L3MBTL4: variants seen among roughly 807,000 people sequenced by gnomAD.
L3MBTL4 encodes lethal(3)malignant brain tumor-like protein 4.
Under a neutral mutation model 84.5 loss-of-function variants are expected in L3MBTL4, and 70 were observed. The ratio of observed to expected loss-of-function variants is 0.83; its 90% CI spans 0.68 to 1.01. The LOEUF (loss-of-function observed/expected upper bound fraction) is 1.01. L3MBTL4 is among the 50% of genes least tolerant of loss of function. The pLI is 0.00. For missense variants in L3MBTL4, 715 were observed against 754.8 expected, an observed-to-expected ratio of 0.95 and a Z score of 0.62; for synonymous variants, 274 against 259.8, an observed-to-expected ratio of 1.05 and a Z score of -0.52.
chr18:6,095,346 G>GC (rs1555652104), intron 14 of L3MBTL4, among the ~76,000 whole-genome samples: 1 of 122,954 alleles, frequency 8.1e-6, no homozygotes, highest in Non-Finnish European at 1.6e-5. Flanking sequence ...GGGGAACATG[G>GC]TTTTTTTTTT....
At chr18:6,091,116 T>C (rs2058441397) in intron 15 of L3MBTL4, among the ~76,000 whole-genome samples, 1 of 152,200 alleles carries the variant, frequency 6.6e-6, no homozygotes, top group African/African-American at 2.4e-5. Context: ...AGATTTGGGT[T>C]AGAGAAAAGG....
intron 16 of L3MBTL4, among the ~76,000 whole-genome samples, chr18:5,993,110 C>T (rs1450701465): frequency 6.6e-6 from 1 of 152,186 alleles, no homozygotes; most frequent in African/African-American, 2.4e-5. Flanking sequence ...CTGGTGACCT[C>T]GTGGCCTGTT....
chr18:6,119,615 A>G (rs938896006), intron 14 of L3MBTL4, among the ~76,000 whole-genome samples: 2 of 152,136 alleles, frequency 1.3e-5, no homozygotes, highest in Non-Finnish European at 2.9e-5. Flanking sequence ...TTTATGATCT[A>G]TTTTGTAATC....
intron 10 of L3MBTL4, among the ~76,000 whole-genome samples, chr18:6,216,854 T>G (rs1299376930): frequency 6.6e-6 from 1 of 152,204 alleles, no homozygotes; most frequent in Non-Finnish European, 1.5e-5. Flanking sequence ...GTTTACTACA[T>G]AATAGTTTCA....
chr18:6,208,428 T>C (rs754100794), intron 12 of L3MBTL4, among the ~76,000 whole-genome samples: 16 of 152,182 alleles, frequency 1.1e-4, no homozygotes, highest in Non-Finnish European at 2.4e-4. Flanking sequence ...AGTTAATGCA[T>C]TAAATAGGAA....
At chr18:5,962,590 G>C (rs559421984) in intron 17 of L3MBTL4, among the ~76,000 whole-genome samples, 6 of 152,316 alleles carry the variant, frequency 3.9e-5, no homozygotes, top group Admixed American at 2.0e-4. Flanking sequence ...CTGCAGTCCA[G>C]GCATCACACC....
intron 1 of L3MBTL4, among the ~76,000 whole-genome samples, chr18:6,333,598 G>T (rs950391360): frequency 3.3e-5 from 5 of 150,880 alleles, no homozygotes; most frequent in Non-Finnish European, 5.9e-5. Flanking sequence ...AAACCTAATT[G>T]TTTATGAATA....
intron 13 of L3MBTL4, among the ~76,000 whole-genome samples, chr18:6,166,309 C>T (rs1159693698): frequency 2.0e-5 from 3 of 152,188 alleles, no homozygotes; most frequent in Admixed American, 2.0e-4. Context: ...GAATTGAACT[C>T]AGCTCTGCAC....
Position 6,291,462 on chromosome 18 carries a change from AG to A in L3MBTL4, c.127+10440del, listed in dbSNP as rs201757657. Among the ~76,000 whole-genome samples the A allele has an allele frequency of 3.2e-3, 489 of 152,342 alleles. 2 individuals carry two copies. Among genetic ancestry groups the A allele is most frequent in the African/African-American group, 0.011 (443 of 41,584 alleles). On this transcript the variant is annotated intron_variant, in intron 4 of 18. Transcript: ENST00000317931. ...ACTTCAAAATTTACTATAAAACTAT[AG>A]TAACCAAATCAGCATGGTACTGGCA...
intron 9 of L3MBTL4, among the ~76,000 whole-genome samples, chr18:6,239,499 G>T (rs2047364881): frequency 6.6e-6 from 1 of 151,960 alleles, no homozygotes; most frequent in African/African-American, 2.4e-5. Context: ...TATTATTTCA[G>T]ATGAGGCTTC....
At chr18:6,250,066 A>G (rs1361261137) in intron 5 of L3MBTL4, among the ~76,000 whole-genome samples, 1 of 152,216 alleles carries the variant, frequency 6.6e-6, no homozygotes, top group Non-Finnish European at 1.5e-5. Context: ...TTTCCAAAGA[A>G]GCGCCAGTGC....
intron 14 of L3MBTL4, among the ~76,000 whole-genome samples, chr18:6,117,908 C>G (rs2059404930): frequency 6.6e-6 from 1 of 152,096 alleles, no homozygotes; most frequent in African/African-American, 2.4e-5. Flanking sequence ...GACAGAAATG[C>G]CAGCCCTTAT....
intron 15 of L3MBTL4, among the ~76,000 whole-genome samples, chr18:6,085,917 T>C (rs113347445): frequency 0.024 from 3,698 of 152,346 alleles, 49 homozygotes; most frequent in Non-Finnish European, 0.038. Context: ...GAGTGGAGAA[T>C]GAGAAATTCT....
At chr18:6,013,581 G>A (rs527819973) in intron 16 of L3MBTL4, among the ~76,000 whole-genome samples, 3 of 152,056 alleles carry the variant, frequency 2.0e-5, no homozygotes, top group Non-Finnish European at 2.9e-5. Context: ...CCCAGTGAAC[G>A]CCTAAGTTCC....
intron 1 of L3MBTL4, among the ~76,000 whole-genome samples, chr18:6,339,345 T>C (rs2052497429): frequency 6.6e-6 from 1 of 152,184 alleles, no homozygotes; most frequent in Non-Finnish European, 1.5e-5. Flanking sequence ...ATCAGAAATA[T>C]TTAACAGAAA....
intron 18 of L3MBTL4, among the ~76,000 whole-genome samples, chr18:5,957,500 C>A (rs900122569): frequency 6.6e-6 from 1 of 151,644 alleles, no homozygotes; most frequent in African/African-American, 2.4e-5. Flanking sequence ...GCCCCAGTGA[C>A]CTCAGCACAA....
intron 1 of L3MBTL4, among the ~76,000 whole-genome samples, chr18:6,377,785 A>G (rs896022776): frequency 7.9e-5 from 12 of 152,174 alleles, no homozygotes; most frequent in African/African-American, 2.9e-4. Flanking sequence ...ATAAACATAC[A>G]TGTGCATGCG....
chr18:6,022,650 A>T lies in L3MBTL4; in HGVS notation c.1445-53088T>A, dbSNP rs148334084. Among the ~76,000 whole-genome samples, 462 of 152,224 alleles carry T rather than the reference A, an allele frequency of 3.0e-3. 1 individual carries two copies. The highest frequency in any genetic ancestry group is 0.011 in the African/African-American group (440 of 41,470). ...ATAAGGATTATCACATCGAATCCCA[A>T]CAACATCTCTGTAAGGTGTATATTT... On this transcript the variant is annotated intron_variant, in intron 16 of 18. Transcript: ENST00000317931.
At chr18:6,051,005 C>A (rs1040727999) in intron 16 of L3MBTL4, among the ~76,000 whole-genome samples, 2 of 152,170 alleles carry the variant, frequency 1.3e-5, no homozygotes, top group Non-Finnish European at 2.9e-5. Flanking sequence ...CAGTGCTAGG[C>A]TGCAAGAGCC....
Sources: gnomAD v4.1 joint callset for allele counts (sites outside exome capture counted in the v4.1 genomes callset) on GRCh38, gnomAD v4.1.1 for gene constraint, MANE v1.5 for transcripts, NCBI Gene and HGNC (gene_info 2026-07-23, HGNC 2026-07-21) for gene names.